The following KIF13B variants were observed in gnomAD, a reference collection of about 807,000 sequenced individuals.
KIF13B encodes the protein kinesin family member 13B, also known as kinesin-like protein KIF13B.
In KIF13B, 127 loss-of-function variants were observed where a neutral mutation model predicts 222.0. The ratio of observed to expected loss-of-function variants is 0.57; its 90% CI spans 0.50 to 0.66. The LOEUF is 0.66. Ranked by LOEUF, KIF13B falls within the 30% of genes least tolerant of loss-of-function variation. The probability of loss-of-function intolerance (pLI) is 0.00; values close to 1 mark genes in which losing one functional copy is unlikely to be tolerated. For missense variants in KIF13B, 2,173 were observed against 2,379.0 expected, an observed-to-expected ratio of 0.91 and a Z score of 1.80; for synonymous variants, 976 against 919.0, an observed-to-expected ratio of 1.06 and a Z score of -1.12.
chr8:29,134,674 G>A (rs1173265076), intron 21 of KIF13B, among the ~76,000 whole-genome samples: 9 of 152,128 alleles, frequency 5.9e-5, no homozygotes. Context: ...GCAAAACATG[G>A]ATTTGATATT....
intron 23 of KIF13B, among the ~76,000 whole-genome samples, chr8:29,131,963 C>T (rs1810363248): frequency 6.6e-6 from 1 of 152,178 alleles, no homozygotes. Flanking sequence ...TAAATGGAAT[C>T]TAGCCAGGCA....
At chr8:29,141,840 C>T (rs768592812) in intron 19 of KIF13B, among the ~76,000 whole-genome samples, 1 of 152,168 alleles carries the variant, frequency 6.6e-6, no homozygotes, top group Non-Finnish European at 1.5e-5. Context: ...ATAATGAGGC[C>T]TGGCCTCTGT....
intron 26 of KIF13B, among the ~76,000 whole-genome samples, chr8:29,124,328 G>C (rs1440506313): frequency 6.6e-6 from 1 of 152,318 alleles, no homozygotes; most frequent in Middle Eastern, 3.4e-3. Context: ...AGAACAGAAA[G>C]GGCATTCTCA....
At chr8:29,262,879 T>G in intron 1 of KIF13B, 101 bp downstream of exon 1, 2 of 939,392 alleles carry the variant, frequency 2.1e-6, no homozygotes, top group Non-Finnish European at 3.1e-6. Flanking sequence ...CGCCGCTGAC[T>G]ATAGGGGCGG....
chr8:29,093,480 C>A (rs757808521), intron 36 of KIF13B, among the ~76,000 whole-genome samples: 1 of 152,132 alleles, frequency 6.6e-6, no homozygotes, highest in Non-Finnish European at 1.5e-5. Flanking sequence ...TTATGATATA[C>A]TAAGACTTCT....
intron 2 of KIF13B, among the ~76,000 whole-genome samples, chr8:29,228,282 G>A (rs1164385488): frequency 3.3e-5 from 5 of 150,642 alleles, no homozygotes; most frequent in East Asian, 1.9e-4. Context: ...TGGCTAACAC[G>A]GTGAAACCCT....
chr8:29,140,545 C>T lies in KIF13B; in HGVS notation c.2407G>A (p.Ala803Thr). The T allele has an allele frequency of 6.2e-7, 1 of 1,613,130 alleles. No individual in the cohort carries two copies. Among genetic ancestry groups the T allele is most frequent in the Non-Finnish European group, 8.5e-7 (1 of 1,179,140 alleles). Residue 803 changes from alanine (A) to threonine (T), a missense_variant, in exon 20 of 40, where the codon GCC (alanine) becomes ACC (threonine). Physicochemically the swap from Ala to Thr is moderately conservative, Grantham distance 58. This residue lies in a region of KIF13B where 1,480 missense variants were observed against 1,722.8 expected (regional missense o/e 0.86). Transcript: ENST00000524189. ...AAAAGTGACTCGAGGAAGACATTGG[C>T]CACCCCAATGAGACTGTGATTTTCC... ...EQENHSLIGV[A>T]NVFLESLFYD...
At chr8:29,077,304 C>A (rs927415877) in intron 37 of KIF13B, among the ~76,000 whole-genome samples, 1 of 152,176 alleles carries the variant, frequency 6.6e-6, no homozygotes. Context: ...CCCCGCCTAC[C>A]GCCATCTCCC....
In KIF13B at chr8:29,150,344, C is replaced by A. The variant is rs921440927; in HGVS notation, c.1575G>T (p.Gln525His). The A allele has an allele frequency of 6.3e-7, 1 of 1,594,688 alleles. No homozygotes were observed. Among genetic ancestry groups the A allele is most frequent in the Non-Finnish European group, 8.6e-7 (1 of 1,164,998 alleles). ...ATAATATCCTGTCCCCATGGTGTAG[C>A]TGTATTGGACTGGAGACAGATGACC... ...VNGSSVSSPI[Q>H]LHHGDRILWG... The change falls in exon 15 of 40, where the codon CAG becomes CAT. Residue 525 changes from glutamine (Q) to histidine (H), a missense_variant. This residue lies in a region of KIF13B where 1,480 missense variants were observed against 1,722.8 expected (regional missense o/e 0.86). Coordinates refer to ENST00000524189, the MANE Select transcript of KIF13B (RefSeq NM_015254.4).
At position 29,182,587 on chromosome 8, in the gene KIF13B, TAA is replaced by T. The variant is rs1187105211; in HGVS notation, c.498-583_498-582del. ...AATAAAATTAAAATTAAATATTCAT[TAA>T]GTTTTTTTTTTTTTAAAAGAAAACC... On this transcript the variant is annotated intron_variant, in intron 6 of 39. Coordinates refer to ENST00000524189, the MANE Select transcript of KIF13B (RefSeq NM_015254.4). Among the ~76,000 whole-genome samples, 9 of 149,550 alleles carry T rather than the reference TAA, an allele frequency of 6.0e-5. No individual in the cohort carries two copies. The East Asian group carries it at 1.5e-3, about 26-fold the overall frequency.
intron 37 of KIF13B, among the ~76,000 whole-genome samples, chr8:29,084,732 G>C (rs1032607735): frequency 6.6e-6 from 1 of 152,156 alleles, no homozygotes; most frequent in Non-Finnish European, 1.5e-5. Context: ...ATGAAAAAAA[G>C]CTATTATGCC....
Position 29,072,292 on chromosome 8 carries a change from C to T in KIF13B, c.4546G>A (p.Val1516Met), listed in dbSNP as rs1023818789. 2 of 1,438,466 alleles carry T rather than the reference C, an allele frequency of 1.4e-6. No individual in the cohort carries two copies. The highest frequency in any genetic ancestry group is 1.5e-5 in the African/African-American group (1 of 67,432). The allele number at this position is 1,438,466 out of a possible 1,614,324, so 89.1% of individuals were successfully genotyped here. ...EEAQPEMGPD[V>M]LVQTMGAPAL... The stretch of plus-strand genomic sequence containing the variant: ...GGGGCCCCCATCGTCTGCACCAGCA[C>T]GTCAGGGCCCATCTCCGGCTGAGCC... Residue 1516 changes from valine (V) to methionine (M), a missense_variant, in exon 39 of 40, where the codon GTG becomes ATG. By Grantham distance (21) the Val-to-Met change is conservative. Coordinates refer to ENST00000524189, the MANE Select transcript of KIF13B (RefSeq NM_015254.4).
At chr8:29,078,689 A>G (rs1807676717) in intron 37 of KIF13B, among the ~76,000 whole-genome samples, 1 of 152,234 alleles carries the variant, frequency 6.6e-6, no homozygotes, top group South Asian at 2.1e-4. Context: ...CCATGAGGCA[A>G]GTGAATATGA....
intron 1 of KIF13B, among the ~76,000 whole-genome samples, chr8:29,254,680 T>C (rs1215878110): frequency 2.6e-5 from 4 of 152,216 alleles, no homozygotes. Flanking sequence ...GTGGAGAAAG[T>C]GGAACCTTCA....
chr8:29,175,580 C>T (rs1258380882), intron 10 of KIF13B, among the ~76,000 whole-genome samples: 2 of 152,214 alleles, frequency 1.3e-5, no homozygotes, highest in East Asian at 3.8e-4. Flanking sequence ...CTAACAACAT[C>T]TTTAAGAAGC....
chr8:29,137,873 C>A (rs28623588), intron 21 of KIF13B, among the ~76,000 whole-genome samples: 17,560 of 152,100 alleles, frequency 0.12, 1,107 homozygotes, highest in South Asian at 0.15. Context: ...GACAACAGGA[C>A]TCAAGGGCCA....
At chr8:29,229,612 G>A (rs1815195754) in intron 2 of KIF13B, among the ~76,000 whole-genome samples, 2 of 152,180 alleles carry the variant, frequency 1.3e-5, no homozygotes, top group African/African-American at 4.8e-5. Flanking sequence ...TGCTGGCTGT[G>A]TCTGCATTAC....
chr8:29,111,083 G>A (rs967389761), intron 32 of KIF13B, among the ~76,000 whole-genome samples: 2 of 152,122 alleles, frequency 1.3e-5, no homozygotes, highest in African/African-American at 4.8e-5. Context: ...TTTGTAAGAC[G>A]GCTTAAGTTC....
chr8:29,160,790 G>A lies in KIF13B; in HGVS notation c.1347C>T (p.Phe449=). 1 of 1,613,556 alleles carries A rather than the reference G, an allele frequency of 6.2e-7. No individual in the cohort carries two copies. The highest frequency in any genetic ancestry group is 2.2e-5 in the East Asian group (1 of 44,820). Residue 449 remains phenylalanine, a synonymous_variant, in exon 13 of 40, where the codon TTC becomes TTT. Transcript: ENST00000524189. ...CTGGGTCAGCATTCAGATTCACAAG[G>A]AAGCATTTATCATCCCCAACTTTGA... ...SGIKVGDDKC[F]LVNLNADPAL...
Sources: allele counts gnomAD v4.1 joint callset (sites outside exome capture counted in the v4.1 genomes callset), GRCh38; gene constraint gnomAD v4.1.1; regional missense constraint gnomAD v4.1.1; transcripts MANE v1.5; gene names NCBI Gene and HGNC (gene_info 2026-07-23, HGNC 2026-07-21).